STAG2: variants seen among roughly 807,000 people sequenced by gnomAD.
STAG2 encodes the protein STAG2 cohesin complex component.
In STAG2, 14 loss-of-function variants were observed where a neutral mutation model predicts 108.1. The observed-to-expected ratio is 0.13, with a 90% CI of 0.09 to 0.20. The LOEUF (loss-of-function observed/expected upper bound fraction) is 0.20. Among genes scored for constraint, STAG2 ranks in the 10% least tolerant of loss-of-function variants. The pLI is 1.00. For synonymous variants in STAG2, 307 were observed against 302.7 expected (o/e 1.01, Z -0.15); for missense variants, 440 against 940.9 (o/e 0.47, Z 6.96).
intron 24 of STAG2, among the ~76,000 whole-genome samples, 171 bp downstream of exon 24, chrX:124,068,827 A>G (rs757175275): frequency 4.1e-4 from 46 of 112,061 alleles, no homozygotes; most frequent in Non-Finnish European, 2.3e-4. Flanking sequence ...TGCATAATAA[A>G]ATTGATTAAT....
rs3216840 is a variant in STAG2 at position 123,977,444 on chromosome X, G to GT, written c.-163+15596dup. On this transcript the variant is annotated intron_variant, in intron 1 of 34. Transcript: ENST00000371145. ...ATTCCACTAGCCTCCCTTTTCTGCT[G>GT]TTTTTTTTCCCCCCCTCCGGTATCT... Among the ~76,000 whole-genome samples, 648 of 109,550 alleles carry GT rather than the reference G, an allele frequency of 5.9e-3. 5 individuals are homozygous for GT. Among genetic ancestry groups the GT allele is most frequent in the African/African-American group, 0.02 (598 of 30,205 alleles).
chrX:123,991,118 T>C (rs979944176), intron 1 of STAG2, among the ~76,000 whole-genome samples: 2 of 111,860 alleles, frequency 1.8e-5, no homozygotes, highest in Admixed American at 1.9e-4. Context: ...AGAGTATGTT[T>C]TATTCATTTT....
chrX:124,028,345 C>T (rs1483753277), intron 4 of STAG2, among the ~76,000 whole-genome samples: 2 of 111,155 alleles, frequency 1.8e-5, no homozygotes, highest in African/African-American at 3.3e-5. Context: ...TAATGAGCTG[C>T]GTGGATATGC....
intron 1 of STAG2, chrX:123,962,140 T>C (rs2053894272): frequency 9.0e-6 from 1 of 111,580 alleles, no homozygotes; most frequent in African/African-American, 3.3e-5. Flanking sequence ...TCCACACTTT[T>C]ATTCTTGCTC....
At chrX:123,974,720 A>G (rs2054541985) in intron 1 of STAG2, among the ~76,000 whole-genome samples, 1 of 108,437 alleles carries the variant, frequency 9.2e-6, no homozygotes. Context: ...CTGGGATTAC[A>G]GGTGCATGCC....
intron 29 of STAG2, among the ~76,000 whole-genome samples, chrX:124,085,465 T>C (rs1298780165): frequency 9.0e-6 from 1 of 111,251 alleles, no homozygotes; most frequent in Non-Finnish European, 1.9e-5. Context: ...TGTACTACTA[T>C]ATATGACTGA....
rs765073397 is a variant in STAG2 at position 124,008,889 on chromosome X, A to ATT, written c.-162-12470_-162-12469dup. ...TTTGCCAGGAGGATAATTATAACAC[A>ATT]TTTTTTTTTGAAAGAGTTTTCTAAT... is the stretch of plus-strand genomic sequence containing the variant. On this transcript the variant is annotated intron_variant, in intron 1 of 34. Transcript: ENST00000371145. Among the ~76,000 whole-genome samples, 373 of 110,034 alleles carry ATT rather than the reference A, an allele frequency of 3.4e-3. 1 individual carries two copies. Among genetic ancestry groups the ATT allele is most frequent in the African/African-American group, 0.011 (347 of 30,378 alleles).
rs2148503774 is a variant in STAG2, at chrX:124,094,001, G to T, written c.3579-17G>T. ...CGACATTAGTTCAGATCTTGACTTT[G>T]TTTTATATTTCTCTAGTCGGCGTGG... On this transcript the variant is annotated splice_polypyrimidine_tract_variant and intron_variant, in intron 32 of 34. Transcript: ENST00000371145. The T allele has an allele frequency of 8.3e-7, 1 of 1,209,624 alleles. No homozygotes were observed. The highest frequency in any genetic ancestry group is 3.0e-5 in the East Asian group (1 of 33,756).
intron 1 of STAG2, among the ~76,000 whole-genome samples, chrX:124,016,371 C>T (rs1391064488): frequency 9.0e-6 from 1 of 111,625 alleles, no homozygotes; most frequent in African/African-American, 3.3e-5. Context: ...CTTTTTTGTA[C>T]TAACAATAAG....
intron 1 of STAG2, among the ~76,000 whole-genome samples, chrX:123,973,674 A>G (rs1162999536): frequency 1.9e-5 from 2 of 107,147 alleles, no homozygotes; most frequent in Non-Finnish European, 1.9e-5. Context: ...GAGAAACCCC[A>G]TCTCTACTAA....
intron 15 of STAG2, among the ~76,000 whole-genome samples, chrX:124,060,987 AT>A (rs1050966343): frequency 3.7e-5 from 4 of 108,439 alleles, no homozygotes; most frequent in African/African-American, 1.0e-4. Flanking sequence ...ATAATAAAAA[AT>A]TTTTTTCATA....
intron 1 of STAG2, among the ~76,000 whole-genome samples, chrX:124,005,238 G>C (rs1349417013): frequency 1.8e-5 from 2 of 111,552 alleles, no homozygotes; most frequent in Non-Finnish European, 3.8e-5. Flanking sequence ...GGAACCCATG[G>C]ATATGGAGGG....
chrX:123,974,914 C>T (rs764923522), intron 1 of STAG2, among the ~76,000 whole-genome samples: 1 of 112,020 alleles, frequency 8.9e-6, no homozygotes, highest in Non-Finnish European at 1.9e-5. Flanking sequence ...CACCCACACA[C>T]TCATCATATA....
At chrX:124,095,862 G>A (rs1316494887) in intron 34 of STAG2, among the ~76,000 whole-genome samples, 3 of 110,083 alleles carry the variant, frequency 2.7e-5, no homozygotes, top group African/African-American at 9.9e-5. Context: ...ATGAGAACTT[G>A]AACAAAGGCT....
chrX:124,004,147 C>T (rs1788207584), intron 1 of STAG2, among the ~76,000 whole-genome samples: 1 of 111,819 alleles, frequency 8.9e-6, no homozygotes, highest in South Asian at 3.7e-4. Flanking sequence ...TGGCATTTGA[C>T]CTAGAGTCTT....
At chrX:123,980,817 A>T (rs747324859) in intron 1 of STAG2, among the ~76,000 whole-genome samples, 1 of 112,511 alleles carries the variant, frequency 8.9e-6, no homozygotes, top group East Asian at 2.8e-4. Context: ...GGATAATACA[A>T]TACTGCAATT....
intron 1 of STAG2, among the ~76,000 whole-genome samples, chrX:123,979,350 G>A (rs1429309072): frequency 9.0e-6 from 1 of 111,504 alleles, no homozygotes; most frequent in Non-Finnish European, 1.9e-5. Context: ...TGTTAAGTGA[G>A]AGGAAGGATA....
At chrX:123,985,721 C>T (rs1351368768) in intron 1 of STAG2, among the ~76,000 whole-genome samples, 1 of 109,198 alleles carries the variant, frequency 9.2e-6, no homozygotes, top group Non-Finnish European at 1.9e-5. Flanking sequence ...CAGGCACGCT[C>T]TACCGTACCA....
At chrX:123,975,073 A>C (rs1263062011) in intron 1 of STAG2, among the ~76,000 whole-genome samples, 2 of 111,392 alleles carry the variant, frequency 1.8e-5, no homozygotes, top group African/African-American at 3.3e-5. Flanking sequence ...CTTGTACCTA[A>C]TTTGCAAACT....
Sources: gnomAD v4.1 joint callset for allele counts (sites outside exome capture counted in the v4.1 genomes callset) on GRCh38, gnomAD v4.1.1 for gene constraint, MANE v1.5 for transcripts, NCBI Gene and HGNC (gene_info 2026-07-23, HGNC 2026-07-21) for gene names.